Variants in QKI observed in about 807,000 individuals in gnomAD.
The protein encoded by QKI is KH domain-containing RNA-binding protein QKI.
A neutral mutation model predicts 39.0 loss-of-function variants in QKI; 10 were observed. That is an observed-to-expected ratio of 0.26 (90% CI 0.16 to 0.43). The LOEUF is 0.43. Ranked by LOEUF, QKI falls within the 20% of genes least tolerant of loss-of-function variation. The probability of loss-of-function intolerance (pLI) is 1.00; values close to 1 mark genes in which losing one functional copy is unlikely to be tolerated. For synonymous variants in QKI, 204 were observed against 155.4 expected (o/e 1.31, Z -2.33); for missense variants, 218 against 428.0 (o/e 0.51, Z 4.33).
chr6:163,520,384 T>C (rs1780075108), intron 3 of QKI, among the ~76,000 whole-genome samples: 1 of 152,172 alleles, frequency 6.6e-6, no homozygotes, highest in South Asian at 2.1e-4. Flanking sequence ...ATCATGAGTG[T>C]AACAGTCTAG....
intron 2 of QKI, among the ~76,000 whole-genome samples, chr6:163,474,874 A>C (rs1485392058): frequency 6.6e-6 from 1 of 151,576 alleles, no homozygotes; most frequent in Non-Finnish European, 1.5e-5. Context: ...ACAGTGCTCT[A>C]TGATTGTGCC....
At chr6:163,438,776 C>A (rs1789505258) in intron 1 of QKI, among the ~76,000 whole-genome samples, 1 of 151,618 alleles carries the variant, frequency 6.6e-6, no homozygotes, top group Non-Finnish European at 1.5e-5. Context: ...TCCTAGGATA[C>A]TACTGTGGAT....
At chr6:163,566,467 C>G in intron 6 of QKI, 1 of 1,316,968 alleles carries the variant, frequency 7.6e-7, no homozygotes, top group Non-Finnish European at 9.7e-7. Context: ...TCATGAAATA[C>G]TGTAACTTGG....
intron 1 of QKI, among the ~76,000 whole-genome samples, chr6:163,449,346 T>A (rs913846328): frequency 6.6e-6 from 1 of 152,222 alleles, no homozygotes; most frequent in Non-Finnish European, 1.5e-5. Context: ...TATGGTCAAA[T>A]GACACAGTGA....
chr6:163,454,094 G>A (rs959072443), intron 1 of QKI, among the ~76,000 whole-genome samples: 1 of 152,010 alleles, frequency 6.6e-6, no homozygotes, highest in African/African-American at 2.4e-5. Flanking sequence ...AATACTAATG[G>A]ATGCAAGCCT....
chr6:163,511,551 T>A (rs9347755), intron 3 of QKI, among the ~76,000 whole-genome samples: 104,975 of 151,776 alleles, frequency 0.69, 37,362 homozygotes, highest in East Asian at 1. Flanking sequence ...AAAAGGCCTT[T>A]TAAGAGAATA....
chr6:163,552,132 T>C (rs1400986510), intron 4 of QKI, among the ~76,000 whole-genome samples: 2 of 151,924 alleles, frequency 1.3e-5, no homozygotes, highest in African/African-American at 2.4e-5. Flanking sequence ...GAAAATGTTA[T>C]TAAGAAAATC....
chr6:163,492,567 C>G (rs2128228747), intron 3 of QKI, among the ~76,000 whole-genome samples: 1 of 152,054 alleles, frequency 6.6e-6, no homozygotes. Flanking sequence ...TTAAAAAGGT[C>G]TGCAAAAACT....
At chr6:163,432,613 C>T (rs566996143) in intron 1 of QKI, among the ~76,000 whole-genome samples, 2 of 152,152 alleles carry the variant, frequency 1.3e-5, no homozygotes, top group South Asian at 2.1e-4. Flanking sequence ...ATTGCCCAGC[C>T]TGGTCTTAAA....
At chr6:163,532,058 T>G (rs1780890998) in intron 3 of QKI, among the ~76,000 whole-genome samples, 1 of 152,254 alleles carries the variant, frequency 6.6e-6, no homozygotes, top group Non-Finnish European at 1.5e-5. Context: ...ACCTTAAAAA[T>G]GTATTCTTGC....
chr6:163,535,172 G>T, intron 4 of QKI, 47 bp downstream of exon 4: 1 of 1,503,162 alleles, frequency 6.7e-7, no homozygotes, highest in Non-Finnish European at 8.9e-7. Flanking sequence ...GTCCTTTTTT[G>T]TCAGTTTATT....
chr6:163,435,067 A>G (rs370365531), intron 1 of QKI, among the ~76,000 whole-genome samples: 98 of 152,354 alleles, frequency 6.4e-4, no homozygotes, highest in Middle Eastern at 3.4e-3. Context: ...TATTCTGTAT[A>G]TTGACTTTTT....
intron 6 of QKI, chr6:163,565,006 A>G (rs953058184): frequency 1.6e-6 from 2 of 1,241,040 alleles, no homozygotes; most frequent in Non-Finnish European, 2.0e-6. Flanking sequence ...GAAAGCCATG[A>G]TGCTCTGTAT....
chr6:163,532,990 G>A (rs188944157), intron 3 of QKI, among the ~76,000 whole-genome samples: 136 of 152,072 alleles, frequency 8.9e-4, no homozygotes, highest in South Asian at 7.7e-3. Context: ...CAGTTTTTTG[G>A]TTGTTTCAGC....
In QKI at chr6:163,575,020, T is replaced by C. The variant is rs1195555832; in HGVS notation, c.*4310T>C. ...TGTGAGTGATAACAGCGAATCACCA[T>C]TGAGATGGTCATTTGGATCATGTAA... On this transcript the variant is annotated 3_prime_UTR_variant, in exon 8 of 8. Transcript: ENST00000361752. The C allele has an allele frequency of 6.6e-6, 1 of 152,214 alleles. No individual in the cohort carries two copies. The highest frequency in any genetic ancestry group is 1.5e-5 in the Non-Finnish European group (1 of 68,032). The allele number at this position is 152,214 out of a possible 1,614,324, so 9.4% of individuals were successfully genotyped here.
chr6:163,488,689 A>G (rs1777843478), intron 3 of QKI, among the ~76,000 whole-genome samples: 1 of 152,166 alleles, frequency 6.6e-6, no homozygotes, highest in Non-Finnish European at 1.5e-5. Flanking sequence ...ACAAGTTACC[A>G]TCTCTTAAAG....
intron 4 of QKI, among the ~76,000 whole-genome samples, chr6:163,560,534 A>G (rs372081189): frequency 1.1e-4 from 17 of 152,218 alleles, no homozygotes; most frequent in African/African-American, 3.9e-4. Flanking sequence ...AGGGGCAGAG[A>G]GTGCGCAGGG....
intron 2 of QKI, among the ~76,000 whole-genome samples, chr6:163,467,902 T>C (rs531381558): frequency 1.3e-5 from 2 of 152,270 alleles, no homozygotes; most frequent in East Asian, 1.9e-4. Context: ...ACTGAAAATA[T>C]CGTAAATTTA....
intron 1 of QKI, among the ~76,000 whole-genome samples, chr6:163,424,611 TA>T (rs1788267265): frequency 6.6e-6 from 1 of 152,120 alleles, no homozygotes; most frequent in Non-Finnish European, 1.5e-5. Context: ...TCTCATACTA[TA>T]AAGTAGCAGC....
Sources: gnomAD v4.1 joint callset for allele counts (sites outside exome capture counted in the v4.1 genomes callset) on GRCh38, gnomAD v4.1.1 for gene constraint, MANE v1.5 for transcripts, NCBI Gene and HGNC (gene_info 2026-07-23, HGNC 2026-07-21) for gene names.